TRPC4: variants seen among roughly 807,000 people sequenced by gnomAD.
The protein encoded by TRPC4 is short transient receptor potential channel 4.
Under a neutral mutation model 99.4 loss-of-function variants are expected in TRPC4, and 49 were observed. The ratio of observed to expected loss-of-function variants is 0.49; its 90% CI spans 0.39 to 0.63. The LOEUF (loss-of-function observed/expected upper bound fraction) is 0.63, where lower values mean the gene tolerates loss of function less well. Ranked by LOEUF, TRPC4 falls within the 20% of genes least tolerant of loss-of-function variation. The probability of loss-of-function intolerance (pLI) is 0.00; values close to 1 mark genes in which losing one functional copy is unlikely to be tolerated. For missense variants in TRPC4, 898 were observed against 1,152.9 expected (o/e 0.78, Z 3.20); for synonymous variants, 454 against 425.9 (o/e 1.07, Z -0.81).
rs997067296 is a variant in TRPC4, at chr13:37,739,969, A to G, written c.897+5968T>C. On this transcript the variant is annotated intron_variant, in intron 3 of 10. Coordinates refer to ENST00000379705, the MANE Select transcript of TRPC4 (RefSeq NM_016179.4). The stretch of plus-strand genomic sequence containing the variant: ...TAATGGAGAAAAACAAAAGATTCTA[A>G]GACAGTCAGTGGTTAACAATGGTCA... Among the ~76,000 whole-genome samples the G allele has an allele frequency of 4.6e-4, 70 of 152,286 alleles. 1 individual carries two copies. Among genetic ancestry groups the G allele is most frequent in the African/African-American group, 1.6e-3 (68 of 41,574 alleles).
chr13:37,740,254 C>G (rs1463670469), intron 3 of TRPC4, among the ~76,000 whole-genome samples: 1 of 152,118 alleles, frequency 6.6e-6, no homozygotes, highest in Non-Finnish European at 1.5e-5. Flanking sequence ...CAACTACTAA[C>G]AGAAGCACAA....
At chr13:37,831,860 ATGG>A (rs1430870053) in intron 1 of TRPC4, among the ~76,000 whole-genome samples, 1 of 152,180 alleles carries the variant, frequency 6.6e-6, no homozygotes, top group Non-Finnish European at 1.5e-5. Flanking sequence ...AGAGAGTAGA[ATGG>A]TGGTTACCAG....
At chr13:37,839,130 A>G (rs1958657568) in intron 1 of TRPC4, among the ~76,000 whole-genome samples, 1 of 152,176 alleles carries the variant, frequency 6.6e-6, no homozygotes, top group African/African-American at 2.4e-5. Context: ...ATATTTTATT[A>G]CTGCTAGGGC....
intron 1 of TRPC4, among the ~76,000 whole-genome samples, chr13:37,815,343 A>G (rs78624432): frequency 6.6e-6 from 1 of 151,936 alleles, no homozygotes; most frequent in Admixed American, 6.6e-5. Flanking sequence ...TAAAGAAGAA[A>G]GACCCAGCTG....
intron 1 of TRPC4, among the ~76,000 whole-genome samples, chr13:37,798,294 C>T (rs1353487746): frequency 5.3e-5 from 8 of 152,124 alleles, no homozygotes; most frequent in East Asian, 1.9e-4. Context: ...TCCTAGAGCT[C>T]GGCTATTTCT....
chr13:37,750,356 C>T (rs1294227718), intron 2 of TRPC4, among the ~76,000 whole-genome samples: 1 of 152,072 alleles, frequency 6.6e-6, no homozygotes, highest in Non-Finnish European at 1.5e-5. Context: ...GTTTTTGTGT[C>T]ACACAGTTTT....
intron 1 of TRPC4, among the ~76,000 whole-genome samples, chr13:37,852,848 G>A (rs896036550): frequency 6.6e-6 from 1 of 152,168 alleles, no homozygotes; most frequent in Admixed American, 6.5e-5. Context: ...GGCCAGTGGT[G>A]GTGATGCCCA....
chr13:37,768,129 G>A (rs1056341702), intron 2 of TRPC4, among the ~76,000 whole-genome samples: 1 of 151,458 alleles, frequency 6.6e-6, no homozygotes, highest in African/African-American at 2.4e-5. Context: ...GGATAATAAT[G>A]TGAACTACCA....
intron 1 of TRPC4, among the ~76,000 whole-genome samples, chr13:37,827,925 C>T (rs967285094): frequency 2.0e-5 from 3 of 152,208 alleles, no homozygotes; most frequent in East Asian, 1.9e-4. Context: ...ATCAGCGAGA[C>T]TCCATGGGCG....
At chr13:37,825,238 A>C (rs1352454721) in intron 1 of TRPC4, among the ~76,000 whole-genome samples, 7 of 151,554 alleles carry the variant, frequency 4.6e-5, no homozygotes, top group African/African-American at 1.7e-4. Context: ...TGGATTCATT[A>C]ATTTTTTGAA....
At chr13:37,795,461 A>T (rs1957221339) in intron 1 of TRPC4, among the ~76,000 whole-genome samples, 1 of 152,142 alleles carries the variant, frequency 6.6e-6, no homozygotes, top group Non-Finnish European at 1.5e-5. Flanking sequence ...AGACATGAGC[A>T]ATGTTTTTGG....
chr13:37,690,298 G>A (rs982559913), intron 4 of TRPC4, among the ~76,000 whole-genome samples: 3 of 152,104 alleles, frequency 2.0e-5, no homozygotes, highest in African/African-American at 7.2e-5. Flanking sequence ...GATTATGTGA[G>A]CCTTTTTAAT....
rs1021183002 is a variant in TRPC4, at chr13:37,821,199, C to CACACACACACACAA, written c.-27-37840_-27-37839insTTGTGTGTGTGTGT. On this transcript the variant is annotated intron_variant, in intron 1 of 10. Coordinates refer to ENST00000379705, the MANE Select transcript of TRPC4 (RefSeq NM_016179.4). Reference sequence around the variant, plus strand: ...ATCACATTCACAATAGCCACACACACACACACACACACACACACACACACA... The same window carrying CACACACACACACAA: ...ATCACATTCACAATAGCCACACACACACACACACACACAAACACACACACACACACACACACACA... Among the ~76,000 whole-genome samples, 914 of 147,578 alleles carry CACACACACACACAA rather than the reference C, an allele frequency of 6.2e-3. 11 individuals are homozygous for CACACACACACACAA. The highest frequency in any genetic ancestry group is 0.022 in the African/African-American group (866 of 40,016).
intron 7 of TRPC4, among the ~76,000 whole-genome samples, 169 bp downstream of exon 7, chr13:37,654,919 C>CA (rs1952174614): frequency 6.6e-6 from 1 of 152,160 alleles, no homozygotes; most frequent in East Asian, 1.9e-4. Flanking sequence ...TTTATAGCTA[C>CA]ATATAGTGTG....
At chr13:37,767,521 A>G (rs1244618371) in intron 2 of TRPC4, among the ~76,000 whole-genome samples, 2 of 151,288 alleles carry the variant, frequency 1.3e-5, no homozygotes, top group South Asian at 2.1e-4. Flanking sequence ...GGCTCCTCAG[A>G]ACCCCGTACT....
chr13:37,706,322 C>T (rs1262783714), intron 3 of TRPC4, among the ~76,000 whole-genome samples: 2 of 152,062 alleles, frequency 1.3e-5, no homozygotes, highest in Non-Finnish European at 1.5e-5. Context: ...ATTCTTGTGC[C>T]TATTTCTAGA....
At chr13:37,869,558 C>G (rs1486556686) in intron 1 of TRPC4, 37 bp downstream of exon 1, 1 of 152,174 alleles carries the variant, frequency 6.6e-6, no homozygotes, top group Non-Finnish European at 1.5e-5. Context: ...AGGTGTAGCT[C>G]CGGTCGAACG....
intron 4 of TRPC4, among the ~76,000 whole-genome samples, chr13:37,679,808 A>G (rs921776449): frequency 6.6e-6 from 1 of 152,202 alleles, no homozygotes; most frequent in African/African-American, 2.4e-5. Context: ...TCCATATTGG[A>G]GAAAGGAGTA....
chr13:37,645,436 C>G (rs796500206), intron 8 of TRPC4, among the ~76,000 whole-genome samples: 1 of 152,138 alleles, frequency 6.6e-6, no homozygotes, highest in Admixed American at 6.6e-5. Flanking sequence ...TGGAATGTCA[C>G]GCTCATTTCA....
Sources: allele counts gnomAD v4.1 joint callset (sites outside exome capture counted in the v4.1 genomes callset), GRCh38; gene constraint gnomAD v4.1.1; transcripts MANE v1.5; gene names NCBI Gene and HGNC (gene_info 2026-07-23, HGNC 2026-07-21).